Variants in INO80C observed in about 807,000 individuals in gnomAD.
The protein encoded by INO80C is IES6 homolog.
INO80C carries 17 observed loss-of-function variants against 17.7 expected under a neutral mutation model. The observed-to-expected ratio is 0.96, with a 90% confidence interval of 0.66 to 1.44. The LOEUF (loss-of-function observed/expected upper bound fraction) is 1.44, where lower values mean the gene tolerates loss of function less well. Ranked by LOEUF, INO80C falls within the 40% of genes most tolerant of loss-of-function variation. The pLI, the probability that INO80C is intolerant of heterozygous loss-of-function variation, is 0.00. For missense variants in INO80C, 244 were observed against 245.0 expected (o/e 1.00, Z 0.03); for synonymous variants, 96 against 95.8 (o/e 1.00, Z -0.01).
intron 1 of INO80C, chr18:35,483,744 A>C (rs536822483): frequency 1.3e-5 from 2 of 152,336 alleles, no homozygotes; most frequent in South Asian, 4.1e-4. Context: ...GCAGTGGCCA[A>C]ACACACAGGA....
intron 1 of INO80C, chr18:35,489,017 C>T (rs2045907026): frequency 6.1e-6 from 1 of 162,918 alleles, no homozygotes; most frequent in African/African-American, 2.4e-5. Context: ...TTCCTCATCT[C>T]TATCTGAGAT....
chr18:35,497,635 T>A lies in INO80C; in HGVS notation c.156+84A>T, dbSNP rs942363371. The A allele has an allele frequency of 2.6e-6, 4 of 1,511,558 alleles. No homozygotes were observed. The African/African-American group carries it at 5.7e-5, about 21-fold the overall frequency. 93.6% of individuals were successfully genotyped at this position (1,511,558 alleles called of 1,614,324 possible). A position where few individuals can be genotyped will look rare whatever the true frequency, so the allele number is the denominator to read the frequency against. ...GAGACCGCACGCGCAGCGCCCCACATTACGCACGCGCCCTGGCTCGGCTCC... is the reference window on the plus strand; with the variant it reads ...GAGACCGCACGCGCAGCGCCCCACAATACGCACGCGCCCTGGCTCGGCTCC... On this transcript the variant is annotated intron_variant, in intron 1 of 4. Transcript: ENST00000334598.
intron 1 of INO80C, among the ~76,000 whole-genome samples, chr18:35,481,396 C>A (rs2045807171): frequency 6.6e-6 from 1 of 152,222 alleles, no homozygotes; most frequent in South Asian, 2.1e-4. Flanking sequence ...ATACACAGAT[C>A]TTAAATGTAG....
chr18:35,497,915 A>C lies in INO80C; in HGVS notation c.-41T>G. ...CCCCTGGTCCCCCCACCTTTTTCCCAGCGCGGGCCTTGGAACTTCCTTTCC... is the reference window on the plus strand; with the variant it reads ...CCCCTGGTCCCCCCACCTTTTTCCCCGCGCGGGCCTTGGAACTTCCTTTCC... On this transcript the variant is annotated 5_prime_UTR_variant, in exon 1 of 5. Coordinates refer to ENST00000334598, the MANE Select transcript of INO80C (RefSeq NM_194281.4). The C allele has an allele frequency of 6.7e-7, 1 of 1,488,218 alleles. No individual in the cohort carries two copies. The highest frequency in any genetic ancestry group is 8.9e-7 in the Non-Finnish European group (1 of 1,118,242). 92.2% of individuals were successfully genotyped at this position (1,488,218 alleles called of 1,614,324 possible). A position where few individuals can be genotyped will look rare whatever the true frequency, so the allele number is the denominator to read the frequency against.
rs558479958 is a variant in INO80C, at chr18:35,471,848, C to G, written c.448-3106G>C. Among the ~76,000 whole-genome samples, 715 of 141,576 alleles carry G rather than the reference C, an allele frequency of 5.1e-3. 7 individuals carry two copies. The highest frequency in any genetic ancestry group is 0.018 in the African/African-American group (681 of 38,484). 92.9% of individuals were successfully genotyped at this position (141,576 alleles called of 152,430 possible). ...CAATTCCCACCTGAGTGACAACATG[C>G]GGTGTTTGGTTTTTTGTCCTTGTGA... On this transcript the variant is annotated intron_variant, in intron 4 of 4. Coordinates refer to ENST00000334598, the MANE Select transcript of INO80C (RefSeq NM_194281.4).
chr18:35,483,536 C>T (rs2045839395), intron 1 of INO80C: 3 of 152,224 alleles, frequency 2.0e-5, no homozygotes, highest in Admixed American at 6.5e-5. Context: ...AAACATGCTG[C>T]TTTACTTCAT....
chr18:35,478,628 G>C (rs1291294627), intron 3 of INO80C, among the ~76,000 whole-genome samples: 1 of 152,118 alleles, frequency 6.6e-6, no homozygotes, highest in East Asian at 1.9e-4. Flanking sequence ...CTGCCCACCA[G>C]CTATTTTCAC....
intron 1 of INO80C, among the ~76,000 whole-genome samples, chr18:35,482,335 C>T (rs1453563248): frequency 6.6e-6 from 1 of 152,208 alleles, no homozygotes; most frequent in African/African-American, 2.4e-5. Context: ...TGATAAGGAG[C>T]TCAACTTACT....
chr18:35,497,557 G>A, intron 1 of INO80C, 162 bp downstream of exon 1: 1 of 1,414,660 alleles, frequency 7.1e-7, no homozygotes, highest in Non-Finnish European at 9.2e-7. Flanking sequence ...GTGTCCAAAC[G>A]AAGGGAAAGA....
Position 35,486,019 on chromosome 18 carries a change from C to T in INO80C, c.157-5456G>A, listed in dbSNP as rs552438134. Among the ~76,000 whole-genome samples the T allele has an allele frequency of 2.0e-5, 3 of 152,322 alleles. No homozygotes were observed. The South Asian group carries it at 6.2e-4, about 32-fold the overall frequency. On this transcript the variant is annotated intron_variant, in intron 1 of 4. Coordinates refer to ENST00000334598, the MANE Select transcript of INO80C (RefSeq NM_194281.4). Reference sequence around the variant, plus strand: ...TGGCACTTGCCTGTAGTCCCAGCTACTCCAGAGGCTGAGGCAAGTTCAGGA... The same window carrying T: ...TGGCACTTGCCTGTAGTCCCAGCTATTCCAGAGGCTGAGGCAAGTTCAGGA...
chr18:35,474,427 T>C (rs911556718), intron 4 of INO80C, among the ~76,000 whole-genome samples: 2 of 151,420 alleles, frequency 1.3e-5, no homozygotes, highest in African/African-American at 2.4e-5. Context: ...GTGGCTCACA[T>C]TGGTAATCCC....
At chr18:35,469,914 A>G (rs2045649197) in intron 4 of INO80C, among the ~76,000 whole-genome samples, 1 of 152,222 alleles carries the variant, frequency 6.6e-6, no homozygotes, top group African/African-American at 2.4e-5. Flanking sequence ...TTTCCCAGAC[A>G]TATCAAAATT....
At chr18:35,487,932 C>A (rs1362595450) in intron 1 of INO80C, 1 of 152,222 alleles carries the variant, frequency 6.6e-6, no homozygotes, top group Non-Finnish European at 1.5e-5. Context: ...AAAGGGGCTA[C>A]AGGACCCACA....
chr18:35,482,594 C>G (rs896206994), intron 1 of INO80C, among the ~76,000 whole-genome samples: 21 of 152,122 alleles, frequency 1.4e-4, no homozygotes, highest in African/African-American at 4.8e-4. Context: ...TGTCTGGATT[C>G]CCCTTCACCT....
At chr18:35,481,611 T>C (rs1478912122) in intron 1 of INO80C, among the ~76,000 whole-genome samples, 3 of 152,202 alleles carry the variant, frequency 2.0e-5, no homozygotes, top group African/African-American at 7.2e-5. Flanking sequence ...TGGCCAGGCA[T>C]GGTGGCTCAC....
chr18:35,481,670 G>T (rs1272528402), intron 1 of INO80C, among the ~76,000 whole-genome samples: 1 of 152,124 alleles, frequency 6.6e-6, no homozygotes, highest in African/African-American at 2.4e-5. Context: ...GATCACTTGA[G>T]GTCAGGAGTT....
intron 1 of INO80C, among the ~76,000 whole-genome samples, chr18:35,491,437 C>A (rs1332983634): frequency 6.6e-6 from 1 of 152,192 alleles, no homozygotes; most frequent in East Asian, 1.9e-4. Context: ...CAGACCCCCG[C>A]TGGGAAGTCA....
At chr18:35,479,262 G>A (rs773254077) in intron 3 of INO80C, 38 bp downstream of exon 3, 1 of 1,274,782 alleles carries the variant, frequency 7.8e-7, no homozygotes, top group Non-Finnish European at 1.1e-6. Context: ...TTCCTACTCT[G>A]AACATTACAA....
At chr18:35,478,400 A>T in intron 3 of INO80C, 51 bp from the exon 4 acceptor site, 1 of 1,340,676 alleles carries the variant, frequency 7.5e-7, no homozygotes, top group Non-Finnish European at 1.0e-6. Context: ...AAACATTCAA[A>T]TCCCTTCTCT....
Sources: gnomAD v4.1 joint callset for allele counts (sites outside exome capture counted in the v4.1 genomes callset) on GRCh38, gnomAD v4.1.1 for gene constraint, MANE v1.5 for transcripts, NCBI Gene and HGNC (gene_info 2026-07-23, HGNC 2026-07-21) for gene names.